Variants in ANOS1 observed in about 807,000 individuals in gnomAD.
ANOS1 encodes anosmin 1.
Under a neutral mutation model 59.0 loss-of-function variants are expected in ANOS1, and 6 were observed. The ratio of observed to expected loss-of-function variants is 0.10; its 90% CI spans 0.06 to 0.20. The LOEUF (loss-of-function observed/expected upper bound fraction) is 0.20, where lower values mean the gene tolerates loss of function less well. Ranked by LOEUF, ANOS1 falls within the 10% of genes least tolerant of loss-of-function variation. The pLI is 1.00. For missense variants in ANOS1, 433 were observed against 542.3 expected (o/e 0.80, Z 2.00); for synonymous variants, 217 against 223.4 (o/e 0.97, Z 0.25).
At chrX:8,616,294 C>G (rs892147298) in intron 3 of ANOS1, among the ~76,000 whole-genome samples, 1 of 111,724 alleles carries the variant, frequency 9.0e-6, no homozygotes, top group African/African-American at 3.3e-5. Flanking sequence ...GTTTGGCTAT[C>G]GGAACACCAC....
chrX:8,692,674 T>C (rs1932625236), intron 2 of ANOS1, among the ~76,000 whole-genome samples: 1 of 111,496 alleles, frequency 9.0e-6, no homozygotes, highest in African/African-American at 3.3e-5. Flanking sequence ...TGCTCATCTC[T>C]GAAGATGAAG....
intron 3 of ANOS1, among the ~76,000 whole-genome samples, chrX:8,614,211 C>T (rs771624628): frequency 1.8e-5 from 2 of 111,743 alleles, no homozygotes; most frequent in East Asian, 2.8e-4. Context: ...ACACTCCTGA[C>T]AGCATTCATT....
chrX:8,668,612 T>C (rs1474791759), intron 2 of ANOS1, among the ~76,000 whole-genome samples: 1 of 106,100 alleles, frequency 9.4e-6, no homozygotes, highest in Non-Finnish European at 1.9e-5. Context: ...TCACAATTTC[T>C]TTATCCACTC....
chrX:8,547,957 C>T (rs929793297), intron 9 of ANOS1, among the ~76,000 whole-genome samples: 1 of 111,853 alleles, frequency 8.9e-6, no homozygotes, highest in African/African-American at 3.2e-5. Flanking sequence ...CCTCATGATC[C>T]GCCCGCCTTG....
chrX:8,583,987 G>A (rs1930467485), intron 6 of ANOS1, among the ~76,000 whole-genome samples: 1 of 111,339 alleles, frequency 9.0e-6, no homozygotes, highest in African/African-American at 3.3e-5. Flanking sequence ...AATCATGAGA[G>A]CAAAACCACC....
In ANOS1 at chrX:8,608,182, A is replaced by T. The variant is rs182770129; in HGVS notation, c.319-10926T>A. Among the ~76,000 whole-genome samples, 6 of 112,094 alleles carry T rather than the reference A, an allele frequency of 5.4e-5. No homozygotes were observed. The East Asian group carries it at 1.4e-3, about 26-fold the overall frequency. ...AGATAAAATATTACCCTAAGCCTTA[A>T]ATAAAGCTTCCAAAACACTTAGCAT... On this transcript the variant is annotated intron_variant, in intron 3 of 13. Transcript: ENST00000262648.
Position 8,564,003 on chromosome X carries a change from G to A in ANOS1, c.1207+4229C>T, listed in dbSNP as rs191493333. Among the ~76,000 whole-genome samples, 218 of 111,459 alleles carry A rather than the reference G, an allele frequency of 2.0e-3. 2 individuals carry two copies. The highest frequency in any genetic ancestry group is 6.8e-3 in the African/African-American group (209 of 30,701). On this transcript the variant is annotated intron_variant, in intron 8 of 13. Transcript: ENST00000262648. ...GCTACAGACATCTGGTATTAGTGGAGAAATCAAGGCTGGAGCTGAGTCATT... is the reference window on the plus strand; with the variant it reads ...GCTACAGACATCTGGTATTAGTGGAAAAATCAAGGCTGGAGCTGAGTCATT...
At chrX:8,537,873 C>T (rs1280322863) in intron 10 of ANOS1, among the ~76,000 whole-genome samples, 1 of 110,720 alleles carries the variant, frequency 9.0e-6, no homozygotes, top group African/African-American at 3.3e-5. Context: ...TGCTAGAAAG[C>T]AGCAGCGTTG....
chrX:8,659,612 T>TCCTCCCTGCTTGCTTGCTTG (rs765689171), intron 2 of ANOS1, among the ~76,000 whole-genome samples: 4 of 97,793 alleles, frequency 4.1e-5, no homozygotes, highest in Non-Finnish European at 8.0e-5. Flanking sequence ...CTTCCTTCCT[T>TCCTCCCTGCTTGCTTGCTTG]CCTTCCTTCC....
At position 8,655,041 on chromosome X, in the gene ANOS1, AT is replaced by A. The variant is rs781341097; in HGVS notation, c.256-31372del. 2.8e-3 allele frequency among the ~76,000 whole-genome samples: 302 copies of A among 107,828 alleles called. 2 individuals carry two copies. The highest frequency in any genetic ancestry group is 7.2e-3 in the South Asian group (18 of 2,516). The allele number at this position is 107,828 out of a possible 115,157, so 93.6% of individuals were successfully genotyped here. A position where few individuals can be genotyped will look rare whatever the true frequency, so the allele number is the denominator to read the frequency against. ...ACCAGGATCTGGTTTTGTGGAATAT[AT>A]TTTTTTTTTCCATGGACTGGGTGAG... On this transcript the variant is annotated intron_variant, in intron 2 of 13. Coordinates refer to ENST00000262648, the MANE Select transcript of ANOS1 (RefSeq NM_000216.4).
At chrX:8,604,015 C>CT (rs1930893196) in intron 3 of ANOS1, among the ~76,000 whole-genome samples, 1 of 111,716 alleles carries the variant, frequency 9.0e-6, no homozygotes, top group Admixed American at 9.5e-5. Flanking sequence ...ACCCCAGCTG[C>CT]TTTACTTTCT....
At chrX:8,580,612 G>A (rs1376516656) in intron 6 of ANOS1, among the ~76,000 whole-genome samples, 7 of 111,520 alleles carry the variant, frequency 6.3e-5, no homozygotes, top group African/African-American at 1.6e-4. Flanking sequence ...TGCCAAACAC[G>A]GACTAATTTT....
chrX:8,702,295 C>T (rs1932760964), intron 1 of ANOS1, among the ~76,000 whole-genome samples: 1 of 112,139 alleles, frequency 8.9e-6, no homozygotes, highest in African/African-American at 3.2e-5. Context: ...GTTGAATTAC[C>T]GGAAAATGAG....
intron 2 of ANOS1, among the ~76,000 whole-genome samples, chrX:8,659,084 G>A (rs779608349): frequency 6.8e-4 from 75 of 110,904 alleles, no homozygotes; most frequent in African/African-American, 1.9e-3. Context: ...AAAATTATCC[G>A]GGTGTGGTGG....
At chrX:8,647,126 C>A (rs909291250) in intron 2 of ANOS1, among the ~76,000 whole-genome samples, 1 of 109,661 alleles carries the variant, frequency 9.1e-6, no homozygotes, top group Non-Finnish European at 1.9e-5. Flanking sequence ...TACTGACATG[C>A]AGGGCTTATC....
intron 2 of ANOS1, among the ~76,000 whole-genome samples, chrX:8,667,255 G>C (rs1430830499): frequency 9.1e-6 from 1 of 110,219 alleles, no homozygotes; most frequent in Non-Finnish European, 1.9e-5. Flanking sequence ...CTGGACAAAT[G>C]AAACTCTTCT....
chrX:8,588,045 G>T, intron 4 of ANOS1, 67 bp from the exon 5 acceptor site: 1 of 949,953 alleles, frequency 1.1e-6, no homozygotes, highest in South Asian at 2.1e-5. Flanking sequence ...AGTTGAGGAA[G>T]AACAAATATG....
At chrX:8,597,902 C>T (rs1235176791) in intron 3 of ANOS1, among the ~76,000 whole-genome samples, 1 of 109,747 alleles carries the variant, frequency 9.1e-6, no homozygotes, top group African/African-American at 3.3e-5. Context: ...GTCCTGGCCT[C>T]CAGCAAATCT....
In ANOS1 at chrX:8,657,467, CT is replaced by C. The variant is rs1324799667; in HGVS notation, c.256-33798del. On this transcript the variant is annotated intron_variant, in intron 2 of 13. Transcript: ENST00000262648. ...TTGGCAATTTGGAGGACTGTGCTTG[CT>C]TTTTTTTTTTTTTTTTTTTTTACGG... 7.6e-3 allele frequency among the ~76,000 whole-genome samples: 642 copies of C among 83,928 alleles called. 4 individuals carry two copies. The highest frequency in any genetic ancestry group is 0.017 in the Middle Eastern group (3 of 174). The allele number at this position is 83,928 out of a possible 115,157, so 72.9% of individuals were successfully genotyped here. A position where few individuals can be genotyped will look rare whatever the true frequency, so the allele number is the denominator to read the frequency against.
Sources: gnomAD v4.1 joint callset for allele counts (sites outside exome capture counted in the v4.1 genomes callset) on GRCh38, gnomAD v4.1.1 for gene constraint, MANE v1.5 for transcripts, NCBI Gene and HGNC (gene_info 2026-07-23, HGNC 2026-07-21) for gene names.